The following STIL variants were observed in gnomAD, a reference collection of about 807,000 sequenced individuals.
STIL encodes STIL centriolar assembly protein.
STIL carries 55 observed loss-of-function variants against 110.1 expected under a neutral mutation model. That is an observed-to-expected ratio of 0.50 (90% confidence interval 0.40 to 0.63). STIL has a LOEUF of 0.63. STIL is among the 20% of genes least tolerant of loss of function. The pLI is 0.00. For synonymous variants in STIL, 481 were observed against 530.0 expected (o/e 0.91, Z 1.27); for missense variants, 1,358 against 1,530.0 (o/e 0.89, Z 1.87).
intron 1 of STIL, among the ~76,000 whole-genome samples, chr1:47,312,557 CTTAGTACTTGG>C (rs1302587191): frequency 2.0e-5 from 3 of 152,160 alleles, no homozygotes; most frequent in African/African-American, 7.2e-5. Context: ...AAAACCCTTC[CTTAGTACTTGG>C]TTGTCATGGA....
chr1:47,307,869 C>G (rs536910209), intron 2 of STIL, among the ~76,000 whole-genome samples: 5 of 152,332 alleles, frequency 3.3e-5, no homozygotes, highest in Admixed American at 2.0e-4. Flanking sequence ...CTGGCCCCCC[C>G]GGGGCGTACC....
intron 14 of STIL, among the ~76,000 whole-genome samples, chr1:47,268,569 A>C (rs986933326): frequency 3.9e-5 from 6 of 152,092 alleles, no homozygotes; most frequent in Non-Finnish European, 8.8e-5. Flanking sequence ...AGCCTGGCCA[A>C]CACGGCGAAA....
intron 16 of STIL, among the ~76,000 whole-genome samples, chr1:47,256,541 A>G (rs1644332174): frequency 1.3e-5 from 2 of 150,422 alleles, no homozygotes; most frequent in Admixed American, 1.3e-4. Context: ...GAATTGCTTG[A>G]ACCTGGGGGG....
intron 16 of STIL, among the ~76,000 whole-genome samples, chr1:47,254,974 T>C (rs1415839108): frequency 6.6e-6 from 1 of 152,080 alleles, no homozygotes; most frequent in Non-Finnish European, 1.5e-5. Context: ...CTAGGGGCAA[T>C]GAGATATCAT....
Position 47,251,981 on chromosome 1 carries a change from C to CA in STIL, c.3081-60dup. 3.9e-6 allele frequency: 6 copies of CA among 1,533,400 alleles called. No homozygotes were observed. In the South Asian group the frequency reaches 4.9e-5, roughly 13 times the overall value. The allele number at this position is 1,533,400 out of a possible 1,614,324, so 95.0% of individuals were successfully genotyped here. A position where few individuals can be genotyped will look rare whatever the true frequency, so the allele number is the denominator to read the frequency against. ...CATATTCTAAGTAATACATAGTTCT[C>CA]AATGTGTTCCATTCTATACAAGCAA... On this transcript the variant is annotated intron_variant, in intron 16 of 16. Transcript: ENST00000371877.
At chr1:47,299,400 C>CT (rs540612576) in intron 6 of STIL, among the ~76,000 whole-genome samples, 81,962 of 140,352 alleles carry the variant, frequency 0.58, 25,915 homozygotes, top group African/African-American at 0.86. Flanking sequence ...TCAGTTTTGT[C>CT]TTTTTTTTTT....
In STIL at chr1:47,297,942, ATT is replaced by A. The variant is rs555070598; in HGVS notation, c.701+1961_701+1962del. On this transcript the variant is annotated intron_variant, in intron 6 of 16. Coordinates refer to ENST00000371877, the MANE Select transcript of STIL (RefSeq NM_001048166.1). ...GATGGGTACTAAAGAAAACAAATTA[ATT>A]TTTTTGTTAATTTAAACAAAAAATC... is the stretch of plus-strand genomic sequence containing the variant. Among the ~76,000 whole-genome samples the A allele has an allele frequency of 4.6e-5, 7 of 152,296 alleles. No homozygotes were observed. The East Asian group carries it at 1.3e-3, about 29-fold the overall frequency.
intron 10 of STIL, among the ~76,000 whole-genome samples, chr1:47,287,285 C>A (rs925925640): frequency 5.3e-5 from 8 of 152,150 alleles, no homozygotes; most frequent in African/African-American, 1.9e-4. Flanking sequence ...TCTTGCTAAG[C>A]AAGATAATTT....
chr1:47,311,309 T>C (rs1321374756), intron 1 of STIL, among the ~76,000 whole-genome samples: 1 of 144,918 alleles, frequency 6.9e-6, no homozygotes, highest in Non-Finnish European at 1.5e-5. Flanking sequence ...TGAAACAGGG[T>C]CTCACTCTGT....
chr1:47,265,153 C>T (rs543711417), intron 14 of STIL, among the ~76,000 whole-genome samples: 10 of 138,232 alleles, frequency 7.2e-5, no homozygotes, highest in South Asian at 6.8e-4. Context: ...GAAGGATCTC[C>T]GGAACCCAGG....
chr1:47,288,913 A>T (rs3122613), intron 9 of STIL, among the ~76,000 whole-genome samples: 79,959 of 141,448 alleles, frequency 0.57, 24,728 homozygotes, highest in African/African-American at 0.82. Context: ...AAAAAAAAAA[A>T]TAGCCAGGTG....
chr1:47,296,682 C>T (rs745383874), intron 6 of STIL, among the ~76,000 whole-genome samples: 8 of 152,032 alleles, frequency 5.3e-5, no homozygotes, highest in Admixed American at 2.0e-4. Flanking sequence ...TTGTGGCACA[C>T]GCCTGTAATC....
chr1:47,253,857 G>A (rs145193826), intron 16 of STIL, among the ~76,000 whole-genome samples: 77 of 151,906 alleles, frequency 5.1e-4, no homozygotes, highest in East Asian at 1.7e-3. Flanking sequence ...CCTGAAATTC[G>A]CAAAAAACTA....
At chr1:47,279,108 T>G (rs1645073253) in intron 12 of STIL, among the ~76,000 whole-genome samples, 1 of 151,884 alleles carries the variant, frequency 6.6e-6, no homozygotes. Flanking sequence ...CCATCCTGGC[T>G]AACATAGTGA....
In STIL at chr1:47,260,401, C is replaced by A. The variant is rs1644449775; in HGVS notation, c.2968G>T (p.Val990Leu). Residue 990 changes from valine to leucine, a missense_variant, in exon 16 of 17, where the codon GTG becomes TTG. Physicochemically the swap from Val to Leu is conservative, Grantham distance 32. Coordinates refer to ENST00000371877, the MANE Select transcript of STIL (RefSeq NM_001048166.1). ...GCATTAAGGACACAATCTTTGTCCA[C>A]CAGTCTTGAATGATGTGTTTTTTTC... Reference protein sequence around the residue: ...TKKKTHHSRLVDKDCVLNATL... With the variant: ...TKKKTHHSRLLDKDCVLNATL... 5.0e-6 allele frequency: 8 copies of A among 1,614,130 alleles called. No homozygotes were observed. The East Asian group carries it at 1.6e-4, about 31-fold the overall frequency.
intron 10 of STIL, among the ~76,000 whole-genome samples, 161 bp downstream of exon 10, chr1:47,287,390 T>G (rs1397757007): frequency 6.6e-6 from 1 of 152,058 alleles, no homozygotes; most frequent in Non-Finnish European, 1.5e-5. Flanking sequence ...CTATCCAACT[T>G]CCTAGTGAAT....
chr1:47,301,739 C>A lies in STIL; in HGVS notation c.275G>T (p.Gly92Val). The A allele has an allele frequency of 6.2e-7, 1 of 1,613,828 alleles. No individual in the cohort carries two copies. The highest frequency in any genetic ancestry group is 1.7e-5 in the Admixed American group (1 of 60,000). ...GSLTADEDEE[G>V]VTLTVDRFDP... ...AAAGCGATCTACTGTCAATGTTACA[C>A]CTTCTTCATCTGTAGAACAAAAATA... Residue 92 changes from glycine to valine, a missense_variant, in exon 5 of 17, where the codon GGT becomes GTT. Gly to Val is a moderately radical substitution (Grantham distance 109, BLOSUM62 -3). Coordinates refer to ENST00000371877, the MANE Select transcript of STIL (RefSeq NM_001048166.1).
Position 47,295,068 on chromosome 1 carries a change from C to T in STIL, c.785+697G>A, listed in dbSNP as rs1430361050. 4.0e-5 allele frequency among the ~76,000 whole-genome samples: 6 copies of T among 151,842 alleles called. No individual in the cohort carries two copies. The South Asian group carries it at 6.2e-4, about 16-fold the overall frequency. ...TGCCAAGTAGCTGGGATTACAGGCA[C>T]GCACCACCATGCCTGGCTAATTTTT... is the stretch of plus-strand genomic sequence containing the variant. On this transcript the variant is annotated intron_variant, in intron 7 of 16. Transcript: ENST00000371877.
Position 47,282,367 on chromosome 1 carries a change from C to T in STIL, c.1226G>A (p.Ser409Asn). ...TACCTTCTGACTCACTGGATGAGGA[C>T]TAGGAATTGGTCTTGGAGAAAAATC... ...DEDFSPRPIPSPHPVSQKISK... is the reference protein window; with the variant it reads ...DEDFSPRPIPNPHPVSQKISK... Residue 409 changes from serine to asparagine, a missense_variant, in exon 11 of 17, where the codon AGT becomes AAT. Ser to Asn is a conservative substitution (Grantham distance 46). Transcript: ENST00000371877. 6.2e-7 allele frequency: 1 copy of T among 1,612,068 alleles called. No individual in the cohort carries two copies. The highest frequency in any genetic ancestry group is 8.5e-7 in the Non-Finnish European group (1 of 1,178,972).
Sources: gnomAD v4.1 joint callset for allele counts (sites outside exome capture counted in the v4.1 genomes callset) on GRCh38, gnomAD v4.1.1 for gene constraint, MANE v1.5 for transcripts, NCBI Gene and HGNC (gene_info 2026-07-23, HGNC 2026-07-21) for gene names.